GPR26: variants seen among roughly 807,000 people sequenced by gnomAD.
GPR26 encodes the protein G protein-coupled receptor 26.
GPR26 carries 15 observed loss-of-function variants against 23.1 expected under a neutral mutation model. The observed-to-expected ratio is 0.65, with a 90% CI of 0.43 to 1.00. The LOEUF is 1.00. Among genes scored for constraint, GPR26 ranks in the 50% least tolerant of loss-of-function variants. The pLI is 0.00. For missense variants in GPR26, 359 were observed against 470.5 expected (o/e 0.76, Z 2.19); for synonymous variants, 228 against 222.1 (o/e 1.03, Z -0.24).
chr10:123,675,857 A>AGTGTGTGT (rs1564731138), intron 2 of GPR26, among the ~76,000 whole-genome samples: 6 of 45,582 alleles, frequency 1.3e-4, no homozygotes, highest in East Asian at 1.9e-3. Flanking sequence ...TGTGTGTGTA[A>AGTGTGTGT]GAGAGAGAGA....
intron 1 of GPR26, among the ~76,000 whole-genome samples, chr10:123,671,133 C>T (rs528764269): frequency 3.2e-4 from 48 of 152,332 alleles, no homozygotes; most frequent in Non-Finnish European, 5.3e-4. Context: ...AGAGCGTGGG[C>T]TCTGGCTGGA....
intron 2 of GPR26, among the ~76,000 whole-genome samples, chr10:123,685,056 T>C (rs890810014): frequency 6.6e-6 from 1 of 152,042 alleles, no homozygotes; most frequent in African/African-American, 2.4e-5. Flanking sequence ...TCCACTAACT[T>C]TGACTGTGGA....
intron 2 of GPR26, among the ~76,000 whole-genome samples, chr10:123,679,945 C>A (rs1005425431): frequency 3.3e-5 from 5 of 152,354 alleles, no homozygotes; most frequent in Non-Finnish European, 5.9e-5. Flanking sequence ...AGCCCTGGGG[C>A]AGGCAGAAGC....
chr10:123,666,425 G>T lies in GPR26; in HGVS notation c.18G>T (p.Ala6=). The T allele has an allele frequency of 6.6e-7, 1 of 1,513,926 alleles. No individual in the cohort carries two copies. The allele number at this position is 1,513,926 out of a possible 1,614,324, so 93.8% of individuals were successfully genotyped here. A position where few individuals can be genotyped will look rare whatever the true frequency, so the allele number is the denominator to read the frequency against. Residue 6 remains alanine (A), a synonymous_variant, in exon 1 of 3, where the codon GCG becomes GCT. Coordinates refer to ENST00000284674, the MANE Select transcript of GPR26 (RefSeq NM_153442.4). MNSWD[A]GLAGLLVGTM... ...CGCGCACCATGAACTCGTGGGACGC[G>T]GGCCTGGCGGGGCTACTGGTGGGCA...
chr10:123,678,623 T>A (rs1845334194), intron 2 of GPR26, among the ~76,000 whole-genome samples: 1 of 152,206 alleles, frequency 6.6e-6, no homozygotes, highest in Non-Finnish European at 1.5e-5. Context: ...CCAATCCCTC[T>A]ACCCCCACAT....
rs778362450 is a variant in GPR26 at position 123,687,989 on chromosome 10, C to T, written c.843C>T (p.Cys281=). 7 of 1,614,024 alleles carry T rather than the reference C, an allele frequency of 4.3e-6. No homozygotes were observed. Among genetic ancestry groups the T allele is most frequent in the Non-Finnish European group, 5.1e-6 (6 of 1,179,954 alleles). Residue 281 remains cysteine, a synonymous_variant, in exon 3 of 3, where the codon TGC becomes TGT. Coordinates refer to ENST00000284674, the MANE Select transcript of GPR26 (RefSeq NM_153442.4). ...IGSHWGVLSK[C]LAYSKAASDP... ...CCCACTGGGGGGTGCTGTCCAAGTG[C>T]TTGGCGTACAGCAAGGCCGCATCCG...
In GPR26 at chr10:123,694,056, G is replaced by C. The variant is rs1040863876; in HGVS notation, c.*5896G>C. On this transcript the variant is annotated 3_prime_UTR_variant, in exon 3 of 3. Coordinates refer to ENST00000284674, the MANE Select transcript of GPR26 (RefSeq NM_153442.4). ...TCCAAACATTTACTGAACACCTACT[G>C]TGTGCCAGGCCCTGTGCTTTGTCAG... 1 of 152,482 alleles carries C rather than the reference G, an allele frequency of 6.6e-6. No individual in the cohort carries two copies. Among genetic ancestry groups the C allele is most frequent in the Non-Finnish European group, 1.5e-5 (1 of 68,258 alleles). The allele number at this position is 152,482 out of a possible 1,614,324, so 9.4% of individuals were successfully genotyped here.
At position 123,695,967 on chromosome 10, in the gene GPR26, A is replaced by G. The variant is rs971981344; in HGVS notation, c.*7807A>G. Reference sequence around the variant, plus strand: ...TGGATCACAAACAGCACAAATTAAAAAGGTGCCTTGCCTGATGCCCATTAC... The same window carrying G: ...TGGATCACAAACAGCACAAATTAAAGAGGTGCCTTGCCTGATGCCCATTAC... On this transcript the variant is annotated 3_prime_UTR_variant, in exon 3 of 3. Transcript: ENST00000284674. Among the ~76,000 whole-genome samples, 6 of 152,224 alleles carry G rather than the reference A, an allele frequency of 3.9e-5. No individual in the cohort carries two copies. The highest frequency in any genetic ancestry group is 8.8e-5 in the Non-Finnish European group (6 of 68,040).
chr10:123,674,732 A>T lies in GPR26; in HGVS notation c.669-86A>T. ...CCATAGTCAAGTTCTCACACTAGAG[A>T]CTGCTGCCTGTGTTAGTAAATAGTG... is the stretch of plus-strand genomic sequence containing the variant. On this transcript the variant is annotated intron_variant, in intron 1 of 2. Coordinates refer to ENST00000284674, the MANE Select transcript of GPR26 (RefSeq NM_153442.4). This position sits in a 1 kb window ranked among gnomAD's most constrained non-coding sequence, Gnocchi z 4.1. The T allele has an allele frequency of 1.2e-6, 1 of 810,612 alleles. No homozygotes were observed. Among genetic ancestry groups the T allele is most frequent in the Non-Finnish European group, 2.1e-6 (1 of 486,684 alleles). The allele number at this position is 810,612 out of a possible 1,614,324, so 50.2% of individuals were successfully genotyped here. A position where few individuals can be genotyped will look rare whatever the true frequency, so the allele number is the denominator to read the frequency against.
Position 123,666,405 on chromosome 10 carries a change from A to T in GPR26, c.-3A>T. On this transcript the variant is annotated 5_prime_UTR_variant, in exon 1 of 3. Transcript: ENST00000284674. ...CCCTGAGCGCCGGCGCGGGGCGCGC[A>T]CCATGAACTCGTGGGACGCGGGCCT... is the stretch of plus-strand genomic sequence containing the variant. 1 of 1,442,524 alleles carries T rather than the reference A, an allele frequency of 6.9e-7. No homozygotes were observed. 89.4% of individuals were successfully genotyped at this position (1,442,524 alleles called of 1,614,324 possible).
chr10:123,677,839 A>T (rs1446276157), intron 2 of GPR26, among the ~76,000 whole-genome samples: 1 of 152,244 alleles, frequency 6.6e-6, no homozygotes, highest in Non-Finnish European at 1.5e-5. Flanking sequence ...GGGGGCCACC[A>T]GCAACAGGTG....
rs1845289015 is a variant in GPR26, at chr10:123,674,980, G to C, written c.782+49G>C. The C allele has an allele frequency of 8.5e-7, 1 of 1,177,638 alleles. No homozygotes were observed. The highest frequency in any genetic ancestry group is 1.3e-5 in the South Asian group (1 of 78,726). The allele number at this position is 1,177,638 out of a possible 1,614,324, so 72.9% of individuals were successfully genotyped here. On this transcript the variant is annotated intron_variant, in intron 2 of 2. Coordinates refer to ENST00000284674, the MANE Select transcript of GPR26 (RefSeq NM_153442.4). This position sits in a 1 kb window ranked among gnomAD's most constrained non-coding sequence, Gnocchi z 4.1. ...CTTGGGACTTTGAAGAGTAAGGCAG[G>C]GCCCAGTGACCTTTAGCAGTGGCAG...
chr10:123,672,373 C>G (rs568524657), intron 1 of GPR26, among the ~76,000 whole-genome samples: 1 of 152,236 alleles, frequency 6.6e-6, no homozygotes, highest in African/African-American at 2.4e-5. Flanking sequence ...ATGACCGGGC[C>G]CATGTGGATG....
In GPR26 at chr10:123,695,434, G is replaced by A. The variant is rs1232707724; in HGVS notation, c.*7274G>A. 6.6e-6 allele frequency among the ~76,000 whole-genome samples: 1 copy of A among 152,140 alleles called. No individual in the cohort carries two copies. The highest frequency in any genetic ancestry group is 2.4e-5 in the African/African-American group (1 of 41,414). ...AGCCCATGATTTGATGGTTTCAAGA[G>A]CCTAAAATCTGTATTTGGAGAGAGG... On this transcript the variant is annotated 3_prime_UTR_variant, in exon 3 of 3. Transcript: ENST00000284674.
chr10:123,682,104 G>A (rs536713371), intron 2 of GPR26, among the ~76,000 whole-genome samples: 8 of 152,192 alleles, frequency 5.3e-5, no homozygotes, highest in Non-Finnish European at 1.2e-4. Flanking sequence ...TATGTTTTCG[G>A]CCTGATTTCC....
chr10:123,685,660 C>G (rs534091920), intron 2 of GPR26, among the ~76,000 whole-genome samples: 6 of 152,350 alleles, frequency 3.9e-5, no homozygotes, highest in Admixed American at 6.5e-5. Flanking sequence ...AAGTTCCAGA[C>G]AGCATATAGT....
At position 123,692,012 on chromosome 10, in the gene GPR26, G is replaced by A. The variant is rs1845495641; in HGVS notation, c.*3852G>A. On this transcript the variant is annotated 3_prime_UTR_variant, in exon 3 of 3. Coordinates refer to ENST00000284674, the MANE Select transcript of GPR26 (RefSeq NM_153442.4). ...GTATCTTTCCCTAATTCTCCAAACA[G>A]TTCAATCTCCAGCTTTATTCAATGG... 1 of 152,174 alleles carries A rather than the reference G, an allele frequency of 6.6e-6. No homozygotes were observed. The highest frequency in any genetic ancestry group is 1.5e-5 in the Non-Finnish European group (1 of 68,032). 9.4% of individuals were successfully genotyped at this position (152,174 alleles called of 1,614,324 possible). A position where few individuals can be genotyped will look rare whatever the true frequency, so the allele number is the denominator to read the frequency against.
chr10:123,695,822 C>A lies in GPR26; in HGVS notation c.*7662C>A, dbSNP rs1845537993. The stretch of plus-strand genomic sequence containing the variant: ...TGCAAGCTGAAATTGTTCCAAACCT[C>A]AACACTCCTGTTTTACAACAAACAT... On this transcript the variant is annotated 3_prime_UTR_variant, in exon 3 of 3. Coordinates refer to ENST00000284674, the MANE Select transcript of GPR26 (RefSeq NM_153442.4). Among the ~76,000 whole-genome samples the A allele has an allele frequency of 6.6e-6, 1 of 152,192 alleles. No individual in the cohort carries two copies. The highest frequency in any genetic ancestry group is 6.5e-5 in the Admixed American group (1 of 15,284).
At chr10:123,671,973 A>G (rs1374267788) in intron 1 of GPR26, among the ~76,000 whole-genome samples, 1 of 152,180 alleles carries the variant, frequency 6.6e-6, no homozygotes, top group Non-Finnish European at 1.5e-5. Context: ...AGCTGTTCTC[A>G]TACTGTGCTT....
Sources: allele counts gnomAD v4.1 joint callset (sites outside exome capture counted in the v4.1 genomes callset), GRCh38; gene constraint gnomAD v4.1.1; non-coding constraint Gnocchi (gnomAD v3.1); transcripts MANE v1.5; gene names NCBI Gene and HGNC (gene_info 2026-07-23, HGNC 2026-07-21).